Variants in HTT-AS observed in about 807,000 individuals in gnomAD.
HTT-AS encodes the protein HTT antisense RNA.
chr4:3,062,325 C>T (rs372699082), intron 2 of HTT-AS, among the ~76,000 whole-genome samples: 5 of 152,242 alleles, frequency 3.3e-5, no homozygotes, highest in South Asian at 2.1e-4. Flanking sequence ...CCAGCATGCC[C>T]GGCCTAGTCT....
At chr4:3,069,767 C>T (rs1013498750) in intron 1 of HTT-AS, among the ~76,000 whole-genome samples, 4 of 152,130 alleles carry the variant, frequency 2.6e-5, no homozygotes, top group African/African-American at 7.2e-5. Flanking sequence ...CAGCTGGGCC[C>T]GTGCTCTTTA....
intron 2 of HTT-AS, among the ~76,000 whole-genome samples, chr4:3,058,170 T>TA (rs1278878065): frequency 6.6e-6 from 1 of 151,350 alleles, no homozygotes; most frequent in African/African-American, 2.4e-5. Context: ...CTACTAAAAA[T>TA]AAAAAATTAG....
At chr4:3,050,379 C>T (rs551934862) in intron 2 of HTT-AS, among the ~76,000 whole-genome samples, 1 of 152,218 alleles carries the variant, frequency 6.6e-6, no homozygotes, top group African/African-American at 2.4e-5. Flanking sequence ...AATTTTTGTT[C>T]TACTTGGGTT....
chr4:3,055,793 C>T (rs1407603867), intron 2 of HTT-AS, among the ~76,000 whole-genome samples: 2 of 152,184 alleles, frequency 1.3e-5, no homozygotes, highest in African/African-American at 2.4e-5. Context: ...GGGTAGAACA[C>T]AAACATCCCC....
At chr4:3,054,252 G>T (rs1257576287) in intron 2 of HTT-AS, among the ~76,000 whole-genome samples, 2 of 151,304 alleles carry the variant, frequency 1.3e-5, no homozygotes, top group Admixed American at 1.3e-4. Flanking sequence ...TTGCCCTAAA[G>T]TAAAATAACT....
intron 1 of HTT-AS, among the ~76,000 whole-genome samples, chr4:3,074,008 A>ATGG (rs1180354742): frequency 0.017 from 2,345 of 139,736 alleles, 72 homozygotes; most frequent in African/African-American, 0.059. Flanking sequence ...CGCCCCCTCC[A>ATGG]CGGCCCCGCC....
intron 2 of HTT-AS, among the ~76,000 whole-genome samples, chr4:3,058,635 A>G (rs1259945439): frequency 2.6e-5 from 4 of 152,154 alleles, no homozygotes; most frequent in African/African-American, 9.6e-5. Context: ...AGCAGGTGTC[A>G]GCCTCATTTT....
intron 2 of HTT-AS, among the ~76,000 whole-genome samples, chr4:3,059,841 G>T (rs1462623865): frequency 2.0e-5 from 3 of 152,098 alleles, no homozygotes; most frequent in African/African-American, 7.2e-5. Context: ...CCAAAATGCT[G>T]GGATTACAGG....
At chr4:3,056,892 G>C (rs539040313) in intron 2 of HTT-AS, among the ~76,000 whole-genome samples, 2 of 152,256 alleles carry the variant, frequency 1.3e-5, no homozygotes, top group East Asian at 3.9e-4. Context: ...ATCTTGTAAA[G>C]CTGAAGCTCT....
chr4:3,053,353 C>A (rs1010377038), intron 2 of HTT-AS, among the ~76,000 whole-genome samples: 1 of 152,056 alleles, frequency 6.6e-6, no homozygotes, highest in Non-Finnish European at 1.5e-5. Context: ...GCCAACCAGG[C>A]GAAACCCCGT....
intron 1 of HTT-AS, among the ~76,000 whole-genome samples, chr4:3,064,138 C>T (rs1711997287): frequency 6.6e-6 from 1 of 150,734 alleles, no homozygotes; most frequent in Non-Finnish European, 1.5e-5. Context: ...CTCTGTTGCC[C>T]AGGCTGGAGT....
In HTT-AS at chr4:3,049,386, C is replaced by T. The variant is rs570399939; in HGVS notation, n.1693G>A. Among the ~76,000 whole-genome samples the T allele has an allele frequency of 2.0e-3, 311 of 151,730 alleles. 1 individual carries two copies. The highest frequency in any genetic ancestry group is 7.1e-3 in the African/African-American group (292 of 41,316). ...TTGCAGTGAGCTGAGACTGCACCACCGCACTCCAGCCTGGGTGACAGAGCA... is the reference window on the plus strand; with the variant it reads ...TTGCAGTGAGCTGAGACTGCACCACTGCACTCCAGCCTGGGTGACAGAGCA... On this transcript the variant is annotated non_coding_transcript_exon_variant, in exon 3 of 3. Coordinates refer to ENST00000664062, the Ensembl canonical transcript of HTT-AS.
chr4:3,046,318 G>A (rs1344412088), downstream of HTT-AS, among the ~76,000 whole-genome samples: 2 of 152,212 alleles, frequency 1.3e-5, no homozygotes, highest in Admixed American at 6.5e-5. Flanking sequence ...GTTGGTTGCA[G>A]CTCGGCATTT....
Position 3,072,188 on chromosome 4 carries a change from C to T in HTT-AS, n.113+2238G>A, listed in dbSNP as rs543860444. Among the ~76,000 whole-genome samples, 116 of 152,334 alleles carry T rather than the reference C, an allele frequency of 7.6e-4. 3 individuals carry two copies. The South Asian group carries it at 0.024, about 31-fold the overall frequency. On this transcript the variant is annotated intron_variant and non_coding_transcript_variant, in intron 1 of 2. Transcript: ENST00000664062. ...GCTGCCTCCCACCTGAGAGCTCAGC[C>T]GGGGAAGGGTCCCTTTCCAATCTCA...
At chr4:3,048,570 C>T (rs757518667), downstream of HTT-AS, among the ~76,000 whole-genome samples, 1 of 152,298 alleles carries the variant, frequency 6.6e-6, no homozygotes, top group Non-Finnish European at 1.5e-5. Context: ...AGGCTACTCA[C>T]TCAACTAAGT....
intron 2 of HTT-AS, among the ~76,000 whole-genome samples, chr4:3,059,595 T>G (rs1314437954): frequency 3.3e-5 from 5 of 152,180 alleles, no homozygotes; most frequent in Admixed American, 3.3e-4. Flanking sequence ...TTTCATTTTT[T>G]TTTTCTTTTT....
rs1437374935 is a variant in HTT-AS at position 3,058,397 on chromosome 4, G to A, written n.1380+4037C>T. 2.6e-5 allele frequency among the ~76,000 whole-genome samples: 4 copies of A among 151,970 alleles called. No individual in the cohort carries two copies. The East Asian group carries it at 7.7e-4, about 29-fold the overall frequency. ...TGCCATGGCATCAGTAAACTGTCAT[G>A]GGGCTGGTGGGAGTGCCTTTTAGCA... On this transcript the variant is annotated intron_variant and non_coding_transcript_variant, in intron 2 of 2. Coordinates refer to ENST00000664062, the Ensembl canonical transcript of HTT-AS.
chr4:3,074,466 G>GC (rs1403021227), exon 1 of HTT-AS: 1 of 220,092 alleles, frequency 4.5e-6, no homozygotes, highest in Non-Finnish European at 8.7e-6. Context: ...TCTCCGTTGA[G>GC]CCCCGCGCCT....
intron 1 of HTT-AS, among the ~76,000 whole-genome samples, chr4:3,067,513 C>A (rs1170332293): frequency 2.0e-5 from 3 of 152,210 alleles, no homozygotes; most frequent in African/African-American, 7.2e-5. Flanking sequence ...GGAGGCACTT[C>A]TCTCCCAAGT....
Sources: allele counts gnomAD v4.1 joint callset (sites outside exome capture counted in the v4.1 genomes callset), GRCh38; gene constraint gnomAD v4.1.1; transcripts MANE v1.5; gene names NCBI Gene and HGNC (gene_info 2026-07-23, HGNC 2026-07-21).